The following GRM1 variants were observed in gnomAD, a reference collection of about 807,000 sequenced individuals.
The protein encoded by GRM1 is metabotropic glutamate receptor 1.
Under a neutral mutation model 90.9 loss-of-function variants are expected in GRM1, and 33 were observed. The observed-to-expected ratio is 0.36, with a 90% CI of 0.28 to 0.49. The LOEUF is 0.49. Among genes scored for constraint, GRM1 ranks in the 20% least tolerant of loss-of-function variants. The pLI, the probability that GRM1 is intolerant of heterozygous loss-of-function variation, is 0.99. For missense variants in GRM1, 1,190 were observed against 1,534.3 expected, an observed-to-expected ratio of 0.78 and a Z score of 3.75; for synonymous variants, 700 against 613.2, an observed-to-expected ratio of 1.14 and a Z score of -2.09.
chr6:146,038,861 A>C (rs954758867), intron 1 of GRM1, among the ~76,000 whole-genome samples: 14 of 152,080 alleles, frequency 9.2e-5, no homozygotes, highest in African/African-American at 3.4e-4. Context: ...AGAGAAAAAA[A>C]CTTTATGAAA....
At chr6:146,274,051 A>T (rs907897301) in intron 2 of GRM1, among the ~76,000 whole-genome samples, 3 of 152,362 alleles carry the variant, frequency 2.0e-5, no homozygotes, top group African/African-American at 7.2e-5. Flanking sequence ...TATTATAGCA[A>T]ATTTCAAGTC....
At chr6:146,134,495 C>T (rs541660097) in intron 1 of GRM1, among the ~76,000 whole-genome samples, 2 of 152,236 alleles carry the variant, frequency 1.3e-5, no homozygotes, top group Admixed American at 1.3e-4. Context: ...GCTTGGGAGG[C>T]CTCAGGAAAC....
chr6:146,250,733 T>C (rs528954211), intron 2 of GRM1, among the ~76,000 whole-genome samples: 1 of 152,326 alleles, frequency 6.6e-6, no homozygotes. Context: ...GAAGCCAGGA[T>C]TGGACCCAGT....
chr6:146,105,880 C>A (rs1354792754), intron 1 of GRM1, among the ~76,000 whole-genome samples: 1 of 152,084 alleles, frequency 6.6e-6, no homozygotes, highest in Non-Finnish European at 1.5e-5. Flanking sequence ...AATGTCAGTA[C>A]CCAGGTCACA....
At chr6:146,159,278 T>C (rs1777625790) in intron 1 of GRM1, 70 bp from the exon 2 acceptor site, 7 of 1,594,028 alleles carry the variant, frequency 4.4e-6, no homozygotes, top group Non-Finnish European at 6.0e-6. Context: ...ACTAACAAGT[T>C]GTTATTCCAT....
chr6:146,036,431 T>C (rs1345576589), intron 1 of GRM1, among the ~76,000 whole-genome samples: 1 of 151,992 alleles, frequency 6.6e-6, no homozygotes, highest in African/African-American at 2.4e-5. Context: ...CACTGTCTTA[T>C]GCAACAGAGA....
intron 2 of GRM1, among the ~76,000 whole-genome samples, chr6:146,206,670 G>A (rs1274022993): frequency 6.6e-6 from 1 of 151,370 alleles, no homozygotes; most frequent in Non-Finnish European, 1.5e-5. Flanking sequence ...TACATATGAA[G>A]GTTTGTTACA....
At chr6:146,152,202 T>A (rs1477824530) in intron 1 of GRM1, among the ~76,000 whole-genome samples, 2 of 152,112 alleles carry the variant, frequency 1.3e-5, no homozygotes, top group Non-Finnish European at 2.9e-5. Context: ...ATTCTGTAAA[T>A]CATGAACCTT....
At chr6:146,028,023 C>T (rs1448566868), upstream of GRM1, among the ~76,000 whole-genome samples, 1 of 152,146 alleles carries the variant, frequency 6.6e-6, no homozygotes, top group African/African-American at 2.4e-5. Flanking sequence ...GTGCTCTCCT[C>T]GCCCGCTCCC....
intron 1 of GRM1, among the ~76,000 whole-genome samples, chr6:146,046,764 ATT>A: frequency 6.6e-6 from 1 of 151,866 alleles, no homozygotes; most frequent in Non-Finnish European, 1.5e-5. Context: ...GTAAAATAAT[ATT>A]TTTTATGTTT....
intron 3 of GRM1, among the ~76,000 whole-genome samples, chr6:146,338,807 C>T (rs1263576467): frequency 6.6e-6 from 1 of 152,132 alleles, no homozygotes; most frequent in Non-Finnish European, 1.5e-5. Flanking sequence ...TGCCCTGCCC[C>T]CTCCACACTC....
At chr6:146,315,700 A>T (rs909479346) in intron 3 of GRM1, among the ~76,000 whole-genome samples, 1 of 152,222 alleles carries the variant, frequency 6.6e-6, no homozygotes, top group Non-Finnish European at 1.5e-5. Flanking sequence ...GAAGAAATTC[A>T]TACTTAAAAT....
At chr6:146,155,965 A>G (rs1183031337) in intron 1 of GRM1, among the ~76,000 whole-genome samples, 1 of 152,234 alleles carries the variant, frequency 6.6e-6, no homozygotes, top group Non-Finnish European at 1.5e-5. Flanking sequence ...CACTGAGAAC[A>G]AGAATGGATG....
chr6:146,099,543 T>G (rs555029217), intron 1 of GRM1, among the ~76,000 whole-genome samples: 1 of 152,224 alleles, frequency 6.6e-6, no homozygotes, highest in Admixed American at 6.5e-5. Flanking sequence ...CCTCTACTGC[T>G]TATACTATCC....
At chr6:146,411,728 A>G (rs1439431966) in intron 7 of GRM1, among the ~76,000 whole-genome samples, 2 of 152,220 alleles carry the variant, frequency 1.3e-5, no homozygotes, top group African/African-American at 4.8e-5. Context: ...TTAAGTAAGA[A>G]CAAAAGTAAA....
At chr6:146,293,236 T>C (rs1783054526) in intron 2 of GRM1, among the ~76,000 whole-genome samples, 1 of 152,042 alleles carries the variant, frequency 6.6e-6, no homozygotes, top group African/African-American at 2.4e-5. Flanking sequence ...TGAATGATAC[T>C]GAATTTTTCA....
intron 3 of GRM1, among the ~76,000 whole-genome samples, chr6:146,332,887 G>T (rs1784632769): frequency 6.6e-6 from 1 of 152,120 alleles, no homozygotes; most frequent in Non-Finnish European, 1.5e-5. Flanking sequence ...GTTAGTTCCT[G>T]ATATTCCGGT....
chr6:146,374,972 GT>G (rs1348812137), intron 5 of GRM1, among the ~76,000 whole-genome samples: 3 of 151,654 alleles, frequency 2.0e-5, no homozygotes, highest in African/African-American at 7.3e-5. Flanking sequence ...TTCATTTAAA[GT>G]TTTTTTCTCT....
chr6:146,395,178 A>G (rs1369805218), intron 6 of GRM1, among the ~76,000 whole-genome samples: 1 of 152,040 alleles, frequency 6.6e-6, no homozygotes, highest in Non-Finnish European at 1.5e-5. Context: ...GATTTGGGTT[A>G]TTTACTTTTT....
Sources: allele counts gnomAD v4.1 joint callset (sites outside exome capture counted in the v4.1 genomes callset), GRCh38; gene constraint gnomAD v4.1.1; transcripts MANE v1.5; gene names NCBI Gene and HGNC (gene_info 2026-07-23, HGNC 2026-07-21).